AKNAD1: variants seen among roughly 807,000 people sequenced by gnomAD.
The protein encoded by AKNAD1 is protein AKNAD1.
Under a neutral mutation model 90.8 loss-of-function variants are expected in AKNAD1, and 67 were observed. The ratio of observed to expected loss-of-function variants is 0.74; its 90% confidence interval spans 0.61 to 0.90. The LOEUF is 0.90. Ranked by LOEUF, AKNAD1 falls within the 40% of genes least tolerant of loss-of-function variation. The probability of loss-of-function intolerance (pLI) is 0.00; values close to 1 mark genes in which losing one functional copy is unlikely to be tolerated. For missense variants in AKNAD1, 957 were observed against 975.4 expected, an observed-to-expected ratio of 0.98 and a Z score of 0.25; for synonymous variants, 327 against 341.4, an observed-to-expected ratio of 0.96 and a Z score of 0.46.
intron 7 of AKNAD1, 87 bp from the exon 8 acceptor site, chr1:108,835,143 C>T: frequency 6.9e-7 from 1 of 1,456,740 alleles, no homozygotes. Flanking sequence ...CTACAGCACC[C>T]CTAAGGCACC....
At chr1:108,827,098 G>A (rs1400301987) in intron 11 of AKNAD1, 107 bp downstream of exon 11, 2 of 768,224 alleles carry the variant, frequency 2.6e-6, no homozygotes, top group Admixed American at 2.1e-5. Flanking sequence ...TCCTAGTGTA[G>A]GGAAATGCTC....
At chr1:108,845,812 G>A (rs1174748610) in intron 5 of AKNAD1, among the ~76,000 whole-genome samples, 1 of 152,216 alleles carries the variant, frequency 6.6e-6, no homozygotes, top group Non-Finnish European at 1.5e-5. Flanking sequence ...CCGAAGTGAA[G>A]AGAGACACAA....
chr1:108,845,864 C>G (rs6604129), intron 5 of AKNAD1, among the ~76,000 whole-genome samples: 43,025 of 152,054 alleles, frequency 0.28, 7,554 homozygotes, highest in African/African-American at 0.5. Context: ...AAGTCACTTA[C>G]GAACTGGAAG....
At position 108,848,778 on chromosome 1, in the gene AKNAD1, G is replaced by C. The variant is rs1296747975; in HGVS notation, c.1219C>G (p.Pro407Ala). 13 of 1,610,034 alleles carry C rather than the reference G, an allele frequency of 8.1e-6. No homozygotes were observed. Among genetic ancestry groups the C allele is most frequent in the Non-Finnish European group, 1.0e-5 (12 of 1,179,146 alleles). Residue 407 changes from proline to alanine, a missense_variant, in exon 5 of 16, where the codon CCT becomes GCT. Physicochemically the swap from Pro to Ala is conservative, Grantham distance 27. Coordinates refer to ENST00000370001, the MANE Select transcript of AKNAD1 (RefSeq NM_152763.5). ...AGCTTCTTGTCTTGCAAATGGTAAG[G>C]AGAGTCCTGTTTTATTCTTTTGGAA... ...EFSKRIKQDSPYHLQDKKLVL... is the reference protein window; with the variant it reads ...EFSKRIKQDSAYHLQDKKLVL...
intron 6 of AKNAD1, among the ~76,000 whole-genome samples, chr1:108,840,287 A>G (rs946858189): frequency 6.6e-6 from 1 of 152,234 alleles, no homozygotes; most frequent in Admixed American, 6.5e-5. Flanking sequence ...AGTTAAATAT[A>G]CAATATGGAA....
chr1:108,838,826 A>G (rs1664454583), intron 6 of AKNAD1, among the ~76,000 whole-genome samples: 1 of 152,132 alleles, frequency 6.6e-6, no homozygotes, highest in African/African-American at 2.4e-5. Flanking sequence ...AATATAAATT[A>G]TTAAAATTCA....
At chr1:108,843,100 CCCTTCCA>C in intron 6 of AKNAD1, 27 bp downstream of exon 6, 1 of 1,609,614 alleles carries the variant, frequency 6.2e-7, no homozygotes, top group Non-Finnish European at 8.5e-7. Context: ...TCACCTTTGA[CCCTTCCA>C]CCTTACACAG....
At chr1:108,841,463 T>C (rs1388069362) in intron 6 of AKNAD1, among the ~76,000 whole-genome samples, 1 of 152,182 alleles carries the variant, frequency 6.6e-6, no homozygotes, top group Non-Finnish European at 1.5e-5. Context: ...TCTTGGCTTC[T>C]GAAGTTAATA....
intron 15 of AKNAD1, 44 bp downstream of exon 15, chr1:108,817,004 C>A: frequency 6.2e-7 from 1 of 1,607,474 alleles, no homozygotes; most frequent in Non-Finnish European, 8.5e-7. Context: ...CAAGATCAAA[C>A]TTACGAGCTG....
chr1:108,842,523 G>C (rs1474893137), intron 6 of AKNAD1, among the ~76,000 whole-genome samples: 2 of 152,178 alleles, frequency 1.3e-5, no homozygotes, highest in Non-Finnish European at 2.9e-5. Context: ...AATTAACTCA[G>C]AAATCATTTA....
intron 6 of AKNAD1, among the ~76,000 whole-genome samples, chr1:108,838,325 C>T (rs1229955491): frequency 6.7e-6 from 1 of 148,832 alleles, no homozygotes; most frequent in Non-Finnish European, 1.5e-5. Context: ...GATAGCCCCC[C>T]CCCCAAAAAA....
chr1:108,838,517 GA>G (rs908547424), intron 6 of AKNAD1, among the ~76,000 whole-genome samples: 17 of 151,802 alleles, frequency 1.1e-4, no homozygotes, highest in African/African-American at 3.4e-4. Flanking sequence ...ATTATTGGGG[GA>G]AAAAATCAAA....
chr1:108,817,051 A>C lies in AKNAD1; in HGVS notation c.2376T>G (p.Ser792=), dbSNP rs764021467. The change falls in exon 15 of 16, where the codon TCT becomes TCG. Residue 792 remains serine, a synonymous_variant. Transcript: ENST00000370001. ...CDFDSTEEIK[S]EILNSALDHA... ...GAATGATTTTCTAAGTCCTCACCTCAGATTTTATTTCTTCAGTGCTATCAA... is the reference window on the plus strand; with the variant it reads ...GAATGATTTTCTAAGTCCTCACCTCCGATTTTATTTCTTCAGTGCTATCAA... 117 of 1,613,782 alleles carry C rather than the reference A, an allele frequency of 7.3e-5. No homozygotes were observed. Among genetic ancestry groups the C allele is most frequent in the Non-Finnish European group, 9.9e-5 (117 of 1,179,920 alleles).
chr1:108,849,563 A>G lies in AKNAD1; in HGVS notation c.1007T>C (p.Val336Ala). 1.3e-6 allele frequency: 2 copies of G among 1,596,502 alleles called. No homozygotes were observed. The highest frequency in any genetic ancestry group is 8.6e-7 in the Non-Finnish European group (1 of 1,163,858). Residue 336 changes from valine to alanine, a missense_variant, in exon 3 of 16, where the codon GTA becomes GCA. By Grantham distance (64) the Val-to-Ala change is moderately conservative. Transcript: ENST00000370001. ...TGTGAGAAGTTCTTGGTGGATATGT[A>G]CTATGGGCTCCATCTGCACAATTAA... ...PSQQIQMEPI[V>A]HIHQELLTGI...
chr1:108,843,005 T>A, intron 6 of AKNAD1, 129 bp downstream of exon 6: 1 of 1,194,744 alleles, frequency 8.4e-7, no homozygotes, highest in Non-Finnish European at 1.2e-6. Context: ...CTTTGTTCAT[T>A]GGTGACACAG....
In AKNAD1 at chr1:108,823,452, T is replaced by C. The variant is rs1267143665; in HGVS notation, c.2085A>G (p.Pro695=). 1 of 1,614,162 alleles carries C rather than the reference T, an allele frequency of 6.2e-7. No individual in the cohort carries two copies. The highest frequency in any genetic ancestry group is 1.7e-5 in the Admixed American group (1 of 60,024). ...TGCTATGATTTGAGTAATTCTGTCC[T>C]GGAGTGTTGTATCTATAATGAAATT... ...TKEFHYRYNT[P]GQNYSNHSKR... Residue 695 remains proline, a synonymous_variant, in exon 13 of 16, where the codon CCA becomes CCG. Transcript: ENST00000370001.
rs764740118 is a variant in AKNAD1, at chr1:108,834,485, G to T, written c.1708C>A (p.Pro570Thr). 1 of 1,611,046 alleles carries T rather than the reference G, an allele frequency of 6.2e-7. No individual in the cohort carries two copies. Among genetic ancestry groups the T allele is most frequent in the Admixed American group, 1.7e-5 (1 of 59,694 alleles). Reference sequence around the variant, plus strand: ...GACAGCCTCATGGCCACTTGGTCTGGCTTGTTCTGGGCAGCTGCATCTCCA... The same window carrying T: ...GACAGCCTCATGGCCACTTGGTCTGTCTTGTTCTGGGCAGCTGCATCTCCA... ...HYGDAAAQNK[P>T]DQVAMRLSSN... Residue 570 changes from proline (P) to threonine (T), a missense_variant, in exon 9 of 16, where the codon CCA (proline) becomes ACA (threonine). Coordinates refer to ENST00000370001, the MANE Select transcript of AKNAD1 (RefSeq NM_152763.5).
intron 1 of AKNAD1, 136 bp downstream of exon 1, chr1:108,856,793 G>C (rs1665060511): frequency 6.6e-6 from 1 of 152,054 alleles, no homozygotes; most frequent in African/African-American, 2.4e-5. Context: ...AAAGGAGTGA[G>C]ATACCATTAA....
chr1:108,835,212 C>A lies in AKNAD1; in HGVS notation c.1537-156G>T, dbSNP rs188052455. On this transcript the variant is annotated intron_variant, in intron 7 of 15. Coordinates refer to ENST00000370001, the MANE Select transcript of AKNAD1 (RefSeq NM_152763.5). Reference sequence around the variant, plus strand: ...CTCCCCCAGCTCTTTACCTAGCTGTCTTCTCATCCTCCAAGACTCAGTCCA... The same window carrying A: ...CTCCCCCAGCTCTTTACCTAGCTGTATTCTCATCCTCCAAGACTCAGTCCA... Among the ~76,000 whole-genome samples the A allele has an allele frequency of 3.9e-3, 595 of 152,274 alleles. 5 individuals carry two copies. The highest frequency in any genetic ancestry group is 0.014 in the African/African-American group (574 of 41,556).
Sources: gnomAD v4.1 joint callset for allele counts (sites outside exome capture counted in the v4.1 genomes callset) on GRCh38, gnomAD v4.1.1 for gene constraint, MANE v1.5 for transcripts, NCBI Gene and HGNC (gene_info 2026-07-23, HGNC 2026-07-21) for gene names.